The following OTUD7A variants were observed in gnomAD, a reference collection of about 807,000 sequenced individuals.
OTUD7A encodes OTU deubiquitinase 7A.
In OTUD7A, 12 loss-of-function variants were observed where a neutral mutation model predicts 65.7. The observed-to-expected ratio is 0.18, with a 90% CI of 0.12 to 0.30. OTUD7A has a LOEUF of 0.30. Among genes scored for constraint, OTUD7A ranks in the 10% least tolerant of loss-of-function variants. OTUD7A has a pLI of 1.00. For synonymous variants in OTUD7A, 641 were observed against 586.3 expected, an observed-to-expected ratio of 1.09 and a Z score of -1.35; for missense variants, 1,148 against 1,304.8, an observed-to-expected ratio of 0.88 and a Z score of 1.85.
rs1295213205 is a variant in OTUD7A at position 31,515,994 on chromosome 15, C to T, written c.893+10355G>A. On this transcript the variant is annotated intron_variant, in intron 8 of 12. Transcript: ENST00000307050. ...CGCACGCATCCATCCATGTACTCAT[C>T]CTTCAATTCTTCCATTCAACCATCT... Among the ~76,000 whole-genome samples the T allele has an allele frequency of 4.6e-5, 7 of 151,222 alleles. No homozygotes were observed. The South Asian group carries it at 1.5e-3, about 32-fold the overall frequency.
chr15:31,747,549 T>C (rs1894513315), intron 1 of OTUD7A, among the ~76,000 whole-genome samples: 1 of 152,248 alleles, frequency 6.6e-6, no homozygotes, highest in East Asian at 1.9e-4. Flanking sequence ...ATAATGGTAG[T>C]AACAGAATAT....
Position 31,483,545 on chromosome 15 carries a change from C to T in OTUD7A, c.2551G>A (p.Ala851Thr). Residue 851 changes from alanine to threonine, a missense_variant, in exon 13 of 13, where the codon GCC becomes ACC. This residue lies in a region of OTUD7A where 842 missense variants were observed against 769.5 expected (regional missense o/e 1.09). Coordinates refer to ENST00000307050, the MANE Select transcript of OTUD7A (RefSeq NM_001382637.1). Reference protein sequence around the residue: ...LPGAAGTAGAAEHKSQTYTNG... With the variant: ...LPGAAGTAGATEHKSQTYTNG... Reference sequence around the variant, plus strand: ...GTGTAGGTCTGCGACTTGTGCTCGGCCGCCCCCGCCGTCCCCGCCGCGCCC... The same window carrying T: ...GTGTAGGTCTGCGACTTGTGCTCGGTCGCCCCCGCCGTCCCCGCCGCGCCC... 3.0e-6 allele frequency: 4 copies of T among 1,323,912 alleles called. No individual in the cohort carries two copies. Among genetic ancestry groups the T allele is most frequent in the South Asian group, 1.8e-5 (1 of 56,830 alleles). 82.0% of individuals were successfully genotyped at this position (1,323,912 alleles called of 1,614,324 possible).
intron 1 of OTUD7A, among the ~76,000 whole-genome samples, chr15:31,719,438 T>C (rs919552178): frequency 3.3e-5 from 5 of 151,938 alleles, no homozygotes; most frequent in African/African-American, 9.7e-5. Context: ...CAAGCTTCCA[T>C]TTGTTCAGAC....
Position 31,765,009 on chromosome 15 carries a change from G to A in OTUD7A, c.-100+105498C>T, listed in dbSNP as rs186239968. Among the ~76,000 whole-genome samples the A allele has an allele frequency of 1.4e-4, 21 of 152,064 alleles. No homozygotes were observed. The East Asian group carries it at 3.3e-3, about 24-fold the overall frequency. ...ATATGTTTTATTTATCATTGTCTCC[G>A]CATATCTGGAATAATGAAAGGCACA... On this transcript the variant is annotated intron_variant, in intron 1 of 12. Transcript: ENST00000307050.
rs2141084579 is a variant in OTUD7A, at chr15:31,503,879, T to C, written c.894-61A>G. ...AAAACAGGGTGGAGGATGGAGAAAG[T>C]GGGGACTGCTTCATGCAGGGGCTGA... On this transcript the variant is annotated intron_variant, in intron 8 of 12. Transcript: ENST00000307050. The C allele has an allele frequency of 6.3e-6, 10 of 1,595,402 alleles. No individual in the cohort carries two copies. In the Admixed American group the frequency reaches 6.7e-5, roughly 11 times the overall value.
chr15:31,860,792 G>A (rs1273389956), intron 1 of OTUD7A, among the ~76,000 whole-genome samples: 2 of 147,070 alleles, frequency 1.4e-5, no homozygotes, highest in Admixed American at 6.8e-5. Flanking sequence ...TGCAAGCTAC[G>A]CCTCCTGGGT....
intron 1 of OTUD7A, among the ~76,000 whole-genome samples, chr15:31,669,292 T>C (rs1892415575): frequency 6.6e-6 from 1 of 152,056 alleles, no homozygotes; most frequent in African/African-American, 2.4e-5. Context: ...TTGGGTGTCG[T>C]AGTTCAGACT....
intron 1 of OTUD7A, among the ~76,000 whole-genome samples, chr15:31,796,224 CT>C (rs201339978): frequency 5.5e-5 from 7 of 126,938 alleles, no homozygotes; most frequent in Non-Finnish European, 8.9e-5. Flanking sequence ...ATCTATCTAT[CT>C]ATCTATCTAT....
chr15:31,662,503 C>T (rs1207909724), intron 1 of OTUD7A, among the ~76,000 whole-genome samples: 1 of 152,176 alleles, frequency 6.6e-6, no homozygotes, highest in Non-Finnish European at 1.5e-5. Flanking sequence ...ATCAAGTTCC[C>T]TTGACACTAG....
intron 1 of OTUD7A, among the ~76,000 whole-genome samples, chr15:31,794,778 T>TC (rs1475274461): frequency 6.6e-6 from 1 of 152,202 alleles, no homozygotes; most frequent in African/African-American, 2.4e-5. Flanking sequence ...CAGTGAGCAA[T>TC]TCATAAGAAG....
Position 31,477,741 on chromosome 15 carries a change from G to A in OTUD7A, c.*5553C>T, listed in dbSNP as rs2041044889. ...GTTGTAGGCACCAGGATACAGCAAT[G>A]AGCAAGACATATAAAAGTTCCTGCC... On this transcript the variant is annotated 3_prime_UTR_variant, in exon 13 of 13. Coordinates refer to ENST00000307050, the MANE Select transcript of OTUD7A (RefSeq NM_001382637.1). 2 of 152,180 alleles carry A rather than the reference G, an allele frequency of 1.3e-5. No homozygotes were observed. The highest frequency in any genetic ancestry group is 1.3e-4 in the Admixed American group (2 of 15,274). The allele number at this position is 152,180 out of a possible 1,614,324, so 9.4% of individuals were successfully genotyped here.
At chr15:31,793,220 A>G (rs992362682) in intron 1 of OTUD7A, among the ~76,000 whole-genome samples, 5 of 152,136 alleles carry the variant, frequency 3.3e-5, no homozygotes, top group Non-Finnish European at 5.9e-5. Context: ...CTGCATCAGC[A>G]TCAGGAGTCT....
At chr15:31,741,623 A>G (rs1277348533) in intron 1 of OTUD7A, among the ~76,000 whole-genome samples, 1 of 152,196 alleles carries the variant, frequency 6.6e-6, no homozygotes, top group East Asian at 1.9e-4. Context: ...AAATAATAAA[A>G]TATTTTGAAC....
At chr15:31,637,615 T>C (rs1300939138) in intron 3 of OTUD7A, among the ~76,000 whole-genome samples, 1 of 152,252 alleles carries the variant, frequency 6.6e-6, no homozygotes, top group African/African-American at 2.4e-5. Flanking sequence ...CTGATAGATC[T>C]GGGCAAAGTA....
At chr15:31,653,671 G>A (rs1891907077) in intron 3 of OTUD7A, among the ~76,000 whole-genome samples, 2 of 150,078 alleles carry the variant, frequency 1.3e-5, no homozygotes, top group Admixed American at 1.3e-4. Flanking sequence ...TCTGTGTCCT[G>A]AATGTGGTAG....
intron 1 of OTUD7A, among the ~76,000 whole-genome samples, chr15:31,696,758 A>G (rs1020913806): frequency 1.3e-5 from 2 of 151,896 alleles, no homozygotes; most frequent in Non-Finnish European, 2.9e-5. Context: ...TGTCACCCAG[A>G]TGGGGGTGGG....
rs188572705 is a variant in OTUD7A, at chr15:31,520,464, T to A, written c.893+5885A>T. Among the ~76,000 whole-genome samples the A allele has an allele frequency of 2.5e-3, 385 of 152,324 alleles. 3 individuals carry two copies. The highest frequency in any genetic ancestry group is 8.8e-3 in the African/African-American group (367 of 41,574). On this transcript the variant is annotated intron_variant, in intron 8 of 12. Coordinates refer to ENST00000307050, the MANE Select transcript of OTUD7A (RefSeq NM_001382637.1). ...ATAGCGATATGCAGAAGAATGAGAT[T>A]GGACCCACACTTCTCACCATATATA...
chr15:31,678,922 C>T (rs1266643574), intron 1 of OTUD7A, among the ~76,000 whole-genome samples: 7 of 152,196 alleles, frequency 4.6e-5, no homozygotes, highest in East Asian at 1.9e-4. Context: ...CTAGAAAAGT[C>T]GCAGACACTC....
intron 7 of OTUD7A, among the ~76,000 whole-genome samples, chr15:31,526,729 T>C (rs111484791): frequency 2.6e-3 from 389 of 152,288 alleles, no homozygotes; most frequent in African/African-American, 9.1e-3. Context: ...AGCATTAACC[T>C]GTGCCTGCAC....
Sources: gnomAD v4.1 joint callset for allele counts (sites outside exome capture counted in the v4.1 genomes callset) on GRCh38, gnomAD v4.1.1 for gene constraint, gnomAD v4.1.1 regional missense constraint, MANE v1.5 for transcripts, NCBI Gene and HGNC (gene_info 2026-07-23, HGNC 2026-07-21) for gene names.